The following FSCN3 variants were observed in gnomAD, a reference collection of about 807,000 sequenced individuals.
The protein encoded by FSCN3 is fascin-3.
Under a neutral mutation model 53.5 loss-of-function variants are expected in FSCN3, and 43 were observed. The observed-to-expected ratio is 0.80, with a 90% confidence interval of 0.63 to 1.04. The LOEUF is 1.04. Ranked by LOEUF, FSCN3 falls within the 50% of genes least tolerant of loss-of-function variation. The pLI is 0.00. For synonymous variants in FSCN3, 235 were observed against 246.6 expected (o/e 0.95, Z 0.44); for missense variants, 594 against 646.5 (o/e 0.92, Z 0.88).
At chr7:127,595,177 T>G in intron 1 of FSCN3, 130 bp from the exon 2 acceptor site, 3 of 705,848 alleles carry the variant, frequency 4.3e-6, no homozygotes, top group Non-Finnish European at 7.1e-6. Flanking sequence ...ATACCAGGGC[T>G]GATGTGGAAG....
chr7:127,598,538 G>T lies in FSCN3; in HGVS notation c.1064G>T (p.Gly355Val), dbSNP rs201193685. ...AGGATCATCCTGCAGTCCTGCAGGG[G>T]GCGCTTCCTGGGCATTGCACCCAAC... ...CGRIILQSCRGRFLGIAPNSL... is the reference protein window; with the variant it reads ...CGRIILQSCRVRFLGIAPNSL... The change falls in exon 4 of 7, where the codon GGG (glycine) becomes GTG (valine). Residue 355 changes from glycine to valine, a missense_variant. By Grantham distance (109) the Gly-to-Val change is moderately radical (BLOSUM62 -3). Transcript: ENST00000265825. 406 of 1,613,556 alleles carry T rather than the reference G, an allele frequency of 2.5e-4. 2 individuals carry two copies. The highest frequency in any genetic ancestry group is 3.2e-4 in the Non-Finnish European group (380 of 1,179,664).
At chr7:127,599,759 C>T (rs1794444399) in intron 5 of FSCN3, among the ~76,000 whole-genome samples, 1 of 152,088 alleles carries the variant, frequency 6.6e-6, no homozygotes, top group South Asian at 2.1e-4. Flanking sequence ...TCCTGGCTAA[C>T]ACGGTGAAAC....
Position 127,599,496 on chromosome 7 carries a change from T to A in FSCN3, c.1236T>A (p.Asp412Glu), listed in dbSNP as rs781053262. 39 of 1,614,088 alleles carry A rather than the reference T, an allele frequency of 2.4e-5. No homozygotes were observed. The highest frequency in any genetic ancestry group is 3.3e-5 in the Non-Finnish European group (39 of 1,180,018). ...ATGACCTCATACAGTGCAACCAGGA[T>A]CAGCCCGACCGCATTCATCTACTAC... ...SGHDLIQCNQ[D>E]QPDRIHLLPC... The change falls in exon 5 of 7, where the codon GAT (aspartate) becomes GAA (glutamate). Residue 412 changes from aspartate to glutamate, a missense_variant. Coordinates refer to ENST00000265825, the MANE Select transcript of FSCN3 (RefSeq NM_020369.3).
chr7:127,596,335 G>T lies in FSCN3; in HGVS notation c.849G>T (p.Glu283Asp). ...CATGCGCTTCCTCTGCAGATGGTGA[G>T]GTGCGTGCTGCTTCTGAGCGCTTAA... ...GRFISVIYDG[E>D]VRAASERLNR... Residue 283 changes from glutamate to aspartate, a missense_variant, in exon 3 of 7, where the codon GAG becomes GAT. By Grantham distance (45) the Glu-to-Asp change is conservative. Coordinates refer to ENST00000265825, the MANE Select transcript of FSCN3 (RefSeq NM_020369.3). 1 of 1,607,626 alleles carries T rather than the reference G, an allele frequency of 6.2e-7. No individual in the cohort carries two copies. Among genetic ancestry groups the T allele is most frequent in the Non-Finnish European group, 8.5e-7 (1 of 1,174,076 alleles).
chr7:127,599,670 G>A, intron 5 of FSCN3, 119 bp downstream of exon 5: 2 of 912,996 alleles, frequency 2.2e-6, no homozygotes. Context: ...AACAGGCCAG[G>A]CGCAGTGGCT....
intron 3 of FSCN3, among the ~76,000 whole-genome samples, chr7:127,597,645 A>AT (rs1794409346): frequency 6.6e-6 from 1 of 151,774 alleles, no homozygotes. Flanking sequence ...TGCCCAGCTA[A>AT]TTTTTTGTAT....
At chr7:127,596,125 G>T in intron 2 of FSCN3, 122 bp downstream of exon 2, 1 of 1,486,340 alleles carries the variant, frequency 6.7e-7, no homozygotes, top group East Asian at 2.3e-5. Flanking sequence ...GGGACCCAAG[G>T]GGATCTTTTG....
intron 4 of FSCN3, 51 bp from the exon 5 acceptor site, chr7:127,599,330 G>A (rs1794436163): frequency 1.3e-6 from 2 of 1,497,902 alleles, no homozygotes; most frequent in Non-Finnish European, 1.8e-6. Flanking sequence ...TTCCACTTGG[G>A]AAAACACCTA....
intron 1 of FSCN3, among the ~76,000 whole-genome samples, chr7:127,594,311 A>C (rs1338159841): frequency 6.6e-6 from 1 of 150,398 alleles, no homozygotes; most frequent in Non-Finnish European, 1.5e-5. Context: ...AGCAGGGTGT[A>C]CTCTCAACCT....
At chr7:127,598,651 AGG>A in intron 4 of FSCN3, 57 bp downstream of exon 4, 6 of 1,432,096 alleles carry the variant, frequency 4.2e-6, no homozygotes, top group Non-Finnish European at 5.8e-6. Flanking sequence ...CTTTAGAGGG[AGG>A]TGGAATATGA....
rs375523355 is a variant in FSCN3 at position 127,598,474 on chromosome 7, G to A, written c.1000G>A (p.Glu334Lys). 51 of 1,614,000 alleles carry A rather than the reference G, an allele frequency of 3.2e-5. No individual in the cohort carries two copies. In the African/African-American group the frequency reaches 5.5e-4, roughly 17 times the overall value. The change falls in exon 4 of 7, where the codon GAG (glutamate) becomes AAG (lysine). Residue 334 changes from glutamate to lysine, a missense_variant. Physicochemically the swap from Glu to Lys is moderately conservative, Grantham distance 56 (BLOSUM62 1). Coordinates refer to ENST00000265825, the MANE Select transcript of FSCN3 (RefSeq NM_020369.3). ...RAVMADGHPL[E>K]SDTFFRMHWN... ...AGTAATGGCTGATGGGCACCCCCTGGAGTCTGACACGTTCTTCCGAATGCA... is the reference window on the plus strand; with the variant it reads ...AGTAATGGCTGATGGGCACCCCCTGAAGTCTGACACGTTCTTCCGAATGCA...
chr7:127,596,274 G>A, intron 2 of FSCN3, 54 bp from the exon 3 acceptor site: 1 of 1,543,608 alleles, frequency 6.5e-7, no homozygotes, highest in Non-Finnish European at 8.9e-7. Flanking sequence ...ATAAAACATG[G>A]AGGAGGGGCC....
Position 127,595,809 on chromosome 7 carries a change from A to G in FSCN3, c.647A>G (p.His216Arg). ...CAACCCTCATCACAGACAGCTTTTC[A>G]CATGCAAGTGCGGCCTGGAGGGCTT... Reference protein sequence around the residue: ...FSQPSSQTAFHMQVRPGGLVA... With the variant: ...FSQPSSQTAFRMQVRPGGLVA... The change falls in exon 2 of 7, where the codon CAC (histidine) becomes CGC (arginine). Residue 216 changes from histidine (H) to arginine (R), a missense_variant. Coordinates refer to ENST00000265825, the MANE Select transcript of FSCN3 (RefSeq NM_020369.3). 3 of 1,613,528 alleles carry G rather than the reference A, an allele frequency of 1.9e-6. No homozygotes were observed. Among genetic ancestry groups the G allele is most frequent in the African/African-American group, 1.3e-5 (1 of 75,018 alleles).
rs771126835 is a variant in FSCN3 at position 127,600,197 on chromosome 7, A to AG, written c.1301dup (p.Ser435IlefsTer54). On this transcript the variant is annotated frameshift_variant, in exon 6 of 7. Transcript: ENST00000265825. LOFTEE classifies it high-confidence loss of function. ...ACCTGAGCTCTTCCTTCTCCAGCACAGGGGGGATCCTTCTGGTCAATAACA... is the reference window on the plus strand; with the variant it reads ...ACCTGAGCTCTTCCTTCTCCAGCACAGGGGGGGATCCTTCTGGTCAATAACA... The AG allele has an allele frequency of 5.0e-6, 8 of 1,584,834 alleles. No individual in the cohort carries two copies. The highest frequency in any genetic ancestry group is 6.1e-6 in the Non-Finnish European group (7 of 1,153,402).
chr7:127,599,247 G>A, intron 4 of FSCN3, 134 bp from the exon 5 acceptor site: 1 of 699,842 alleles, frequency 1.4e-6, no homozygotes, highest in Middle Eastern at 2.7e-4. Context: ...CATAAGACCT[G>A]ACACATAGTA....
chr7:127,599,485 T>G lies in FSCN3; in HGVS notation c.1225T>G (p.Cys409Gly). The change falls in exon 5 of 7, where the codon TGC (cysteine) becomes GGC (glycine). Residue 409 changes from cysteine (C) to glycine (G), a missense_variant. Cys to Gly is a radical substitution (Grantham distance 159). Transcript: ENST00000265825. ...CTCATCGGGCCATGACCTCATACAG[T>G]GCAACCAGGATCAGCCCGACCGCAT... ...GSSSGHDLIQ[C>G]NQDQPDRIHL... 6.2e-7 allele frequency: 1 copy of G among 1,614,156 alleles called. No individual in the cohort carries two copies. The highest frequency in any genetic ancestry group is 1.1e-5 in the South Asian group (1 of 91,078).
rs201553815 is a variant in FSCN3 at position 127,595,945 on chromosome 7, C to A, written c.783C>A (p.His261Gln). 1.9e-4 allele frequency: 308 copies of A among 1,591,706 alleles called. No homozygotes were observed. Among genetic ancestry groups the A allele is most frequent in the South Asian group, 5.4e-4 (47 of 87,358 alleles). Residue 261 changes from histidine to glutamine, a missense_variant, in exon 2 of 7, where the codon CAC (histidine) becomes CAA (glutamine). By Grantham distance (24) the His-to-Gln change is conservative. Transcript: ENST00000265825. ...GTGAGGAGTGGTTCATCCTACAGCA[C>A]TGCCCAACCTGGGTCAGCCTCAGGT... is the stretch of plus-strand genomic sequence containing the variant. ...MRGEEWFILQ[H>Q]CPTWVSLRSK...
rs1434098473 is a variant in FSCN3 at position 127,594,104 on chromosome 7, GTA to G, written c.144+109_144+110del. On this transcript the variant is annotated intron_variant, in intron 1 of 6. Transcript: ENST00000265825. ...CGTGAGTGTATGTGTGTGTGTGTGT[GTA>G]TGTACTTGCCTGTATATGAAAGTAT... is the stretch of plus-strand genomic sequence containing the variant. 4.3e-5 allele frequency: 56 copies of G among 1,298,436 alleles called. No individual in the cohort carries two copies. The South Asian group carries it at 5.7e-4, about 13-fold the overall frequency. 80.4% of individuals were successfully genotyped at this position (1,298,436 alleles called of 1,614,324 possible).
At position 127,597,513 on chromosome 7, in the gene FSCN3, C is replaced by T. The variant is rs186617213; in HGVS notation, c.961-922C>T. Among the ~76,000 whole-genome samples the T allele has an allele frequency of 3.9e-4, 57 of 148,016 alleles. 1 individual carries two copies. In the East Asian group the frequency reaches 0.011, roughly 27 times the overall value. On this transcript the variant is annotated intron_variant, in intron 3 of 6. Transcript: ENST00000265825. ...TTTTTTTTTGAGATGAAGTCTTGCTCTGTTGCCTGGGCTGGAGGGCAGTGG... is the reference window on the plus strand; with the variant it reads ...TTTTTTTTTGAGATGAAGTCTTGCTTTGTTGCCTGGGCTGGAGGGCAGTGG...
Sources: allele counts gnomAD v4.1 joint callset (sites outside exome capture counted in the v4.1 genomes callset), GRCh38; gene constraint gnomAD v4.1.1; transcripts MANE v1.5; gene names NCBI Gene and HGNC (gene_info 2026-07-23, HGNC 2026-07-21).